Variants in SHLD1 observed in about 807,000 individuals in gnomAD.
SHLD1 encodes the protein RINN1-REV7-interacting novel NHEJ regulator 3.
In SHLD1, 3 loss-of-function variants were observed where a neutral mutation model predicts 5.5. That is an observed-to-expected ratio of 0.54 (90% CI 0.25 to 1.40). The LOEUF (loss-of-function observed/expected upper bound fraction) is 1.40. Ranked by LOEUF, SHLD1 falls within the 40% of genes most tolerant of loss-of-function variation. The pLI is 0.15. For missense variants in SHLD1, 210 were observed against 244.4 expected, an observed-to-expected ratio of 0.86 and a Z score of 0.94; for synonymous variants, 92 against 94.3, an observed-to-expected ratio of 0.98 and a Z score of 0.14.
chr20:5,810,856 T>C (rs915756728), intron 2 of SHLD1, among the ~76,000 whole-genome samples: 3 of 146,010 alleles, frequency 2.1e-5, no homozygotes, highest in Admixed American at 1.4e-4. Context: ...GCAGATGTCA[T>C]GCCACTGCAC....
intron 2 of SHLD1, among the ~76,000 whole-genome samples, chr20:5,850,112 C>CAGTAAT (rs371790287): frequency 7.7e-6 from 1 of 130,246 alleles, no homozygotes; most frequent in Admixed American, 8.1e-5. Context: ...GACCCCGTCT[C>CAGTAAT]AATAATAATA....
intron 2 of SHLD1, among the ~76,000 whole-genome samples, chr20:5,794,095 C>T (rs1462013358): frequency 6.6e-6 from 1 of 152,100 alleles, no homozygotes; most frequent in Non-Finnish European, 1.5e-5. Flanking sequence ...GTTTTGGAGC[C>T]TGACTGGTCT....
At chr20:5,757,959 G>C (rs776058058) in intron 1 of SHLD1, among the ~76,000 whole-genome samples, 10 of 152,172 alleles carry the variant, frequency 6.6e-5, no homozygotes, top group Non-Finnish European at 1.2e-4. Context: ...TTAGGTCCAT[G>C]TTAGAGTATG....
chr20:5,792,056 T>C (rs530536475), intron 2 of SHLD1, among the ~76,000 whole-genome samples: 1 of 152,314 alleles, frequency 6.6e-6, no homozygotes, highest in African/African-American at 2.4e-5. Flanking sequence ...TTGGGTTGAT[T>C]TTTTTTGTTA....
intron 2 of SHLD1, among the ~76,000 whole-genome samples, chr20:5,821,929 G>T (rs1415259764): frequency 6.6e-6 from 1 of 152,070 alleles, no homozygotes; most frequent in African/African-American, 2.4e-5. Flanking sequence ...AGACATGATG[G>T]GCCATCTCCT....
At chr20:5,800,242 G>C (rs2087272605) in intron 2 of SHLD1, among the ~76,000 whole-genome samples, 3 of 152,170 alleles carry the variant, frequency 2.0e-5, no homozygotes, top group African/African-American at 7.2e-5. Context: ...TTCCCACACT[G>C]TCTTGGAAGT....
At chr20:5,828,150 C>T (rs574976861) in intron 2 of SHLD1, among the ~76,000 whole-genome samples, 1 of 152,296 alleles carries the variant, frequency 6.6e-6, no homozygotes, top group Admixed American at 6.5e-5. Flanking sequence ...CAACATACAT[C>T]TAGATTTAGT....
At chr20:5,767,857 A>G (rs145696028) in intron 1 of SHLD1, among the ~76,000 whole-genome samples, 1,901 of 152,278 alleles carry the variant, frequency 0.012, 39 homozygotes, top group African/African-American at 0.043. Flanking sequence ...TTTGTATCCA[A>G]GTTGCTGATA....
At chr20:5,752,135 C>T (rs1983786793) in intron 1 of SHLD1, among the ~76,000 whole-genome samples, 1 of 152,120 alleles carries the variant, frequency 6.6e-6, no homozygotes, top group Non-Finnish European at 1.5e-5. Context: ...ATGGCTCACA[C>T]CTGTAATCTC....
At chr20:5,812,090 C>CTTTTTTTTTTTTT (rs529793893) in intron 2 of SHLD1, among the ~76,000 whole-genome samples, 1 of 116,198 alleles carries the variant, frequency 8.6e-6, no homozygotes, top group Non-Finnish European at 1.9e-5. Flanking sequence ...CTTTTTTTTT[C>CTTTTTTTTTTTTT]TTTTTTTTTT....
At chr20:5,847,222 T>G (rs554140092) in intron 2 of SHLD1, among the ~76,000 whole-genome samples, 3 of 152,316 alleles carry the variant, frequency 2.0e-5, no homozygotes, top group African/African-American at 7.2e-5. Flanking sequence ...CCTGGAGACT[T>G]GGTCTTGGTC....
At chr20:5,829,869 C>A (rs1050969251) in intron 2 of SHLD1, among the ~76,000 whole-genome samples, 3 of 117,432 alleles carry the variant, frequency 2.6e-5, no homozygotes, top group Non-Finnish European at 5.5e-5. Context: ...TGGTTAACAG[C>A]CTCTTCTTTA....
At chr20:5,763,141 T>C (rs1179837848) in intron 1 of SHLD1, among the ~76,000 whole-genome samples, 1 of 151,420 alleles carries the variant, frequency 6.6e-6, no homozygotes, top group African/African-American at 2.4e-5. Context: ...ACCCCGTCTC[T>C]ACTAAAAACA....
At chr20:5,824,476 G>C (rs888621973) in intron 2 of SHLD1, among the ~76,000 whole-genome samples, 1 of 152,154 alleles carries the variant, frequency 6.6e-6, no homozygotes, top group African/African-American at 2.4e-5. Flanking sequence ...AGAGCAAGTA[G>C]CTTGTCTCTC....
rs11469039 is a variant in SHLD1, at chr20:5,841,170, A to AGTGTGTGT, written c.179-21828_179-21821dup. Among the ~76,000 whole-genome samples the AGTGTGTGT allele has an allele frequency of 1.6e-3, 239 of 146,402 alleles. 3 individuals are homozygous for AGTGTGTGT. Among genetic ancestry groups the AGTGTGTGT allele is most frequent in the African/African-American group, 4.8e-3 (194 of 40,518 alleles). On this transcript the variant is annotated intron_variant, in intron 2 of 2. Coordinates refer to ENST00000303142, the MANE Select transcript of SHLD1 (RefSeq NM_152504.4). The stretch of plus-strand genomic sequence containing the variant: ...CATCCATAACTTACTGAAAATAGCG[A>AGTGTGTGT]GTGTGTGTGTGTGTGTGTGTGTGTG...
intron 1 of SHLD1, among the ~76,000 whole-genome samples, chr20:5,769,593 AATAAT>A (rs1985035150): frequency 6.6e-6 from 1 of 152,254 alleles, no homozygotes; most frequent in South Asian, 2.1e-4. Context: ...CAACAAAACT[AATAAT>A]AGAACAGTTA....
At chr20:5,842,254 C>G (rs1051884263) in intron 2 of SHLD1, among the ~76,000 whole-genome samples, 3 of 152,202 alleles carry the variant, frequency 2.0e-5, no homozygotes, top group Admixed American at 6.5e-5. Flanking sequence ...GTAGCTCCTT[C>G]CTCTACCTTC....
chr20:5,838,177 T>C (rs980781877), intron 2 of SHLD1, among the ~76,000 whole-genome samples: 3 of 152,192 alleles, frequency 2.0e-5, no homozygotes, highest in African/African-American at 7.2e-5. Context: ...ATATATGAGT[T>C]TGTGTGCATG....
chr20:5,786,131 C>G (rs978398181), intron 2 of SHLD1, among the ~76,000 whole-genome samples: 9 of 152,180 alleles, frequency 5.9e-5, no homozygotes, highest in African/African-American at 9.6e-5. Flanking sequence ...GTCTGAGTCT[C>G]ATTCTCCACC....
Sources: gnomAD v4.1 joint callset for allele counts (sites outside exome capture counted in the v4.1 genomes callset) on GRCh38, gnomAD v4.1.1 for gene constraint, MANE v1.5 for transcripts, NCBI Gene and HGNC (gene_info 2026-07-23, HGNC 2026-07-21) for gene names.